The following ZNF644 variants were observed in gnomAD, a reference collection of about 807,000 sequenced individuals.
ZNF644 encodes zinc finger motif enhancer binding protein 2.
In ZNF644, 20 loss-of-function variants were observed where a neutral mutation model predicts 108.0. The ratio of observed to expected loss-of-function variants is 0.19; its 90% confidence interval spans 0.13 to 0.27. The LOEUF (loss-of-function observed/expected upper bound fraction) is 0.27, where lower values mean the gene tolerates loss of function less well. Ranked by LOEUF, ZNF644 falls within the 10% of genes least tolerant of loss-of-function variation. The pLI, the probability that ZNF644 is intolerant of heterozygous loss-of-function variation, is 1.00. For missense variants in ZNF644, 1,338 were observed against 1,548.9 expected, an observed-to-expected ratio of 0.86 and a Z score of 2.29; for synonymous variants, 542 against 539.1, an observed-to-expected ratio of 1.01 and a Z score of -0.08.
At chr1:91,008,262 C>T (rs191195800) in intron 1 of ZNF644, among the ~76,000 whole-genome samples, 2 of 152,296 alleles carry the variant, frequency 1.3e-5, no homozygotes, top group African/African-American at 4.8e-5. Flanking sequence ...GAGATCCATT[C>T]CTGAAACCAT....
intron 1 of ZNF644, among the ~76,000 whole-genome samples, chr1:91,016,829 G>A (rs1342279773): frequency 6.6e-6 from 1 of 152,020 alleles, no homozygotes; most frequent in Admixed American, 6.6e-5. Flanking sequence ...TCTAGAGTTT[G>A]AACAAAGTCT....
chr1:90,988,425 C>T (rs1657325509), intron 1 of ZNF644, among the ~76,000 whole-genome samples: 1 of 152,070 alleles, frequency 6.6e-6, no homozygotes, highest in Non-Finnish European at 1.5e-5. Context: ...ACTGTACCCA[C>T]AGATTGGAAG....
At chr1:90,966,622 C>T (rs564926266) in intron 2 of ZNF644, among the ~76,000 whole-genome samples, 3 of 151,926 alleles carry the variant, frequency 2.0e-5, no homozygotes, top group Non-Finnish European at 4.4e-5. Context: ...TGGTGGCGTA[C>T]ACCTGTAGTT....
intron 1 of ZNF644, among the ~76,000 whole-genome samples, chr1:90,984,915 G>C (rs1039041294): frequency 1.3e-5 from 2 of 152,064 alleles, no homozygotes; most frequent in African/African-American, 4.8e-5. Flanking sequence ...AACTATATAT[G>C]GTTGCACAAA....
intron 5 of ZNF644, among the ~76,000 whole-genome samples, chr1:90,917,271 C>T (rs1648883195): frequency 6.6e-6 from 1 of 152,112 alleles, no homozygotes; most frequent in South Asian, 2.1e-4. Context: ...AACTATTACT[C>T]CAAAATATGT....
At chr1:90,969,344 T>G (rs1479254887) in intron 2 of ZNF644, among the ~76,000 whole-genome samples, 1 of 152,180 alleles carries the variant, frequency 6.6e-6, no homozygotes, top group East Asian at 1.9e-4. Flanking sequence ...GATCCTGGAC[T>G]TCTAGCCTCC....
rs939810227 is a variant in ZNF644 at position 90,938,608 on chromosome 1, A to C, written c.2746T>G (p.Phe916Val). 6.2e-7 allele frequency: 1 copy of C among 1,612,052 alleles called. No individual in the cohort carries two copies. The highest frequency in any genetic ancestry group is 8.5e-7 in the Non-Finnish European group (1 of 1,178,978). The stretch of plus-strand genomic sequence containing the variant: ...GTATCTTCATAGTATTCAAAATAAA[A>C]GCCATCGTTTTGGTCATAACTAAGA... ...ATLSYDQNDG[F>V]YFEYYEDTGS... The change falls in exon 3 of 6, where the codon TTT (phenylalanine) becomes GTT (valine). Residue 916 changes from phenylalanine (F) to valine (V), a missense_variant. By Grantham distance (50) the Phe-to-Val change is conservative. This residue lies in a region of ZNF644 where 462 missense variants were observed against 472.6 expected (regional missense o/e 0.98). Transcript: ENST00000337393. This position sits in a 1 kb window ranked among gnomAD's most constrained non-coding sequence, Gnocchi z 4.2.
In ZNF644 at chr1:90,940,228, G is replaced by A. The variant is rs772181957; in HGVS notation, c.1126C>T (p.Pro376Ser). The A allele has an allele frequency of 6.2e-7, 1 of 1,613,966 alleles. No individual in the cohort carries two copies. Among genetic ancestry groups the A allele is most frequent in the Non-Finnish European group, 8.5e-7 (1 of 1,179,944 alleles). ...GAAAGAAAAGTGCTAGTATGAACAGGTGAACTCTCTTCTCCACACTTATCT... is the reference window on the plus strand; with the variant it reads ...GAAAGAAAAGTGCTAGTATGAACAGATGAACTCTCTTCTCCACACTTATCT... ...NPDKCGEESS[P>S]VHTSTFLSNT... Residue 376 changes from proline to serine, a missense_variant, in exon 3 of 6, where the codon CCT becomes TCT. By Grantham distance (74) the Pro-to-Ser change is moderately conservative. This residue lies in a region of ZNF644 where 464 missense variants were observed against 457.9 expected (regional missense o/e 1.01). Transcript: ENST00000337393.
chr1:91,007,686 CAT>C (rs1233015000), intron 1 of ZNF644, among the ~76,000 whole-genome samples: 2 of 152,104 alleles, frequency 1.3e-5, no homozygotes, highest in Non-Finnish European at 2.9e-5. Flanking sequence ...TGAAGTGTTT[CAT>C]ATTCTAAATT....
rs1229946574 is a variant in ZNF644, at chr1:90,941,173, C to A, written c.181G>T (p.Asp61Tyr). The change falls in exon 3 of 6, where the codon GAT becomes TAT. Residue 61 changes from aspartate to tyrosine, a missense_variant. Asp to Tyr is a radical substitution (Grantham distance 160). Transcript: ENST00000337393. ...TTTTTCTGAAATGATGTTTGACAATCTTTTGGCTTATGAACTCCGCTCTCT... is the reference window on the plus strand; with the variant it reads ...TTTTTCTGAAATGATGTTTGACAATATTTTGGCTTATGAACTCCGCTCTCT... ...DKESGVHKPK[D>Y]CQTSFQKNNT... is the part of the protein sequence containing the mutation. The A allele has an allele frequency of 6.2e-7, 1 of 1,612,904 alleles. No homozygotes were observed. Among genetic ancestry groups the A allele is most frequent in the Non-Finnish European group, 8.5e-7 (1 of 1,179,574 alleles).
intron 2 of ZNF644, among the ~76,000 whole-genome samples, chr1:90,977,838 G>T (rs1223143994): frequency 1.3e-5 from 2 of 152,010 alleles, no homozygotes; most frequent in African/African-American, 4.8e-5. Context: ...TATTAATAAG[G>T]TAACAGTTAT....
chr1:91,021,836 G>C (rs567743928), intron 1 of ZNF644, 154 bp downstream of exon 1: 2 of 397,068 alleles, frequency 5.0e-6, no homozygotes, highest in Non-Finnish European at 8.9e-6. Context: ...GGATGGCTGG[G>C]ACCCAGCCTA....
intron 1 of ZNF644, among the ~76,000 whole-genome samples, chr1:90,983,302 C>T (rs1436058369): frequency 1.3e-5 from 2 of 152,118 alleles, no homozygotes; most frequent in East Asian, 1.9e-4. Context: ...CCACCCAATG[C>T]CATCATCTCC....
intron 2 of ZNF644, among the ~76,000 whole-genome samples, chr1:90,979,502 T>C (rs1656341060): frequency 6.6e-6 from 1 of 152,070 alleles, no homozygotes; most frequent in African/African-American, 2.4e-5. Flanking sequence ...GTATATAGTT[T>C]ATATATGCTA....
chr1:90,952,027 G>T (rs1323098737), intron 2 of ZNF644, among the ~76,000 whole-genome samples: 3 of 152,102 alleles, frequency 2.0e-5, no homozygotes, highest in Admixed American at 2.0e-4. Context: ...GAAGAGTTCA[G>T]TATCTGTCTC....
intron 2 of ZNF644, among the ~76,000 whole-genome samples, chr1:90,958,827 A>C (rs1481820798): frequency 6.6e-6 from 1 of 152,206 alleles, no homozygotes; most frequent in Non-Finnish European, 1.5e-5. Flanking sequence ...ATCAAAATGG[A>C]CCAACAATCT....
Position 90,918,688 on chromosome 1 carries a change from C to T in ZNF644, c.3689-534G>A, listed in dbSNP as rs867538569. ...AAAAGCTCAAGGAAAAATCAATTTT[C>T]ATAGTGATTCACCATGAATTTTATA... On this transcript the variant is annotated intron_variant, in intron 4 of 5. Transcript: ENST00000337393. 4.6e-5 allele frequency among the ~76,000 whole-genome samples: 7 copies of T among 152,168 alleles called. No individual in the cohort carries two copies. In the South Asian group the frequency reaches 1.2e-3, roughly 27 times the overall value.
intron 2 of ZNF644, among the ~76,000 whole-genome samples, chr1:90,977,480 C>A (rs1656129798): frequency 6.6e-6 from 1 of 152,158 alleles, no homozygotes. Flanking sequence ...TCCAACAGAA[C>A]TTAAGTTGTA....
chr1:90,934,924 C>T (rs1317696140), intron 4 of ZNF644, among the ~76,000 whole-genome samples: 1 of 152,022 alleles, frequency 6.6e-6, no homozygotes, highest in African/African-American at 2.4e-5. Flanking sequence ...TATTTTTATG[C>T]TATGTTGCCC....
Sources: allele counts gnomAD v4.1 joint callset (sites outside exome capture counted in the v4.1 genomes callset), GRCh38; gene constraint gnomAD v4.1.1; regional missense constraint gnomAD v4.1.1; non-coding constraint Gnocchi (gnomAD v3.1); transcripts MANE v1.5; gene names NCBI Gene and HGNC (gene_info 2026-07-23, HGNC 2026-07-21).